TG: variants seen among roughly 807,000 people sequenced by gnomAD.
TG encodes the protein thyroid hormones.
TG carries 270 observed loss-of-function variants against 324.7 expected under a neutral mutation model. That is an observed-to-expected ratio of 0.83 (90% CI 0.75 to 0.92). The LOEUF (loss-of-function observed/expected upper bound fraction) is 0.92. Among genes scored for constraint, TG ranks in the 40% least tolerant of loss-of-function variants. TG has a pLI of 0.00. For synonymous variants in TG, 1,401 were observed against 1,327.0 expected (o/e 1.06, Z -1.21); for missense variants, 3,591 against 3,456.4 (o/e 1.04, Z -0.98).
chr8:133,029,722 T>G, intron 40 of TG, 99 bp from the exon 41 acceptor site: 1 of 1,438,328 alleles, frequency 7.0e-7, no homozygotes, highest in Admixed American at 1.8e-5. Context: ...CCAGAGCCCC[T>G]GGCGGGGCCG....
At chr8:133,099,545 G>A (rs1371937580) in intron 43 of TG, among the ~76,000 whole-genome samples, 1 of 152,126 alleles carries the variant, frequency 6.6e-6, no homozygotes, top group Non-Finnish European at 1.5e-5. Flanking sequence ...TTAGCCAATG[G>A]CCCACTTGAC....
chr8:133,066,448 C>T (rs955192689), intron 41 of TG, among the ~76,000 whole-genome samples: 2 of 151,906 alleles, frequency 1.3e-5, no homozygotes, highest in African/African-American at 4.8e-5. Context: ...CAAATGCATA[C>T]ACGTGGAAAA....
At chr8:133,032,746 T>C (rs1003614036) in intron 41 of TG, among the ~76,000 whole-genome samples, 2 of 152,224 alleles carry the variant, frequency 1.3e-5, no homozygotes, top group Admixed American at 6.5e-5. Flanking sequence ...TCTGCAAATC[T>C]TGGGGCCAGA....
At chr8:132,934,695 C>T (rs944101606) in intron 24 of TG, among the ~76,000 whole-genome samples, 5 of 152,162 alleles carry the variant, frequency 3.3e-5, no homozygotes, top group Non-Finnish European at 5.9e-5. Flanking sequence ...CTTCAAACAG[C>T]CTTGCTGTAG....
At position 132,886,674 on chromosome 8, in the gene TG, T is replaced by C. The variant is rs1325660804; in HGVS notation, c.1302T>C (p.Ser434=). ...TGGAGGGACAGAGCCAACAGTTTTC[T>C]GTCTCAGAAAATCTTCTCAAAGAAG... ...PMVEGQSQQF[S]VSENLLKEAI... The change falls in exon 9 of 48, where the codon TCT becomes TCC. Residue 434 remains serine, a synonymous_variant. Coordinates refer to ENST00000220616, the MANE Select transcript of TG (RefSeq NM_003235.5). The C allele has an allele frequency of 6.2e-7, 1 of 1,614,224 alleles. No homozygotes were observed. Among genetic ancestry groups the C allele is most frequent in the Non-Finnish European group, 8.5e-7 (1 of 1,180,046 alleles).
chr8:132,947,053 T>A (rs1208658607), intron 26 of TG, among the ~76,000 whole-genome samples: 1 of 152,200 alleles, frequency 6.6e-6, no homozygotes, highest in Non-Finnish European at 1.5e-5. Flanking sequence ...CCCTTGCTGG[T>A]GCTGCCCTCA....
intron 39 of TG, among the ~76,000 whole-genome samples, 163 bp from the exon 40 acceptor site, chr8:133,021,828 C>A (rs1368945599): frequency 1.3e-5 from 2 of 152,148 alleles, no homozygotes; most frequent in Admixed American, 1.3e-4. Flanking sequence ...GGGGCTAGGA[C>A]TTCAATGTAT....
rs1022148195 is a variant in TG at position 132,887,055 on chromosome 8, C to T, written c.1683C>T (p.Asn561=). The T allele has an allele frequency of 1.2e-5, 20 of 1,614,172 alleles. No homozygotes were observed. The highest frequency in any genetic ancestry group is 1.6e-4 in the Middle Eastern group (1 of 6,062). Residue 561 remains asparagine (N), a synonymous_variant, in exon 9 of 48, where the codon AAC becomes AAT. Transcript: ENST00000220616. The stretch of plus-strand genomic sequence containing the variant: ...GCTTTGAAATTAACCTACAAGAGAA[C>T]CAAAATGCCCTCAAATTCCTTGCTT... The part of the protein sequence containing the change: ...SFGFEINLQE[N]QNALKFLASL...
At chr8:133,044,734 C>T (rs1423404195) in intron 41 of TG, among the ~76,000 whole-genome samples, 1 of 152,108 alleles carries the variant, frequency 6.6e-6, no homozygotes, top group Non-Finnish European at 1.5e-5. Context: ...TTAGGCACAC[C>T]CTAACTTGTT....
At chr8:132,960,253 T>C (rs187159902) in intron 27 of TG, among the ~76,000 whole-genome samples, 1 of 152,140 alleles carries the variant, frequency 6.6e-6, no homozygotes, top group African/African-American at 2.4e-5. Flanking sequence ...CTAATAATAA[T>C]TAAAAACAAA....
intron 45 of TG, among the ~76,000 whole-genome samples, chr8:133,128,209 G>A (rs576426967): frequency 1.3e-5 from 2 of 152,202 alleles, no homozygotes; most frequent in Admixed American, 1.3e-4. Context: ...CATCCATCCA[G>A]AGGACAGTGC....
chr8:133,072,041 A>G (rs748993520), intron 41 of TG, among the ~76,000 whole-genome samples: 5 of 152,120 alleles, frequency 3.3e-5, no homozygotes, highest in Non-Finnish European at 5.9e-5. Context: ...TGAGGTAGCT[A>G]TTTTGCCCCT....
At chr8:133,074,679 G>C (rs561385880) in intron 41 of TG, among the ~76,000 whole-genome samples, 1 of 152,298 alleles carries the variant, frequency 6.6e-6, no homozygotes, top group African/African-American at 2.4e-5. Flanking sequence ...CACCCACTGA[G>C]CCACTGCAGT....
At chr8:133,071,250 G>A (rs139044879) in intron 41 of TG, among the ~76,000 whole-genome samples, 141 of 152,316 alleles carry the variant, frequency 9.3e-4, no homozygotes, top group African/African-American at 3.3e-3. Flanking sequence ...GCATCATTAC[G>A]CTGAGGCCTT....
At chr8:132,928,999 C>T (rs1822292125) in intron 22 of TG, 77 bp from the exon 23 acceptor site, 1 of 1,214,878 alleles carries the variant, frequency 8.2e-7, no homozygotes, top group Non-Finnish European at 1.2e-6. Flanking sequence ...ACTGCTTGAC[C>T]TAACAGTCTT....
Position 132,929,070 on chromosome 8 carries a change from T to G in TG, c.4700-6T>G. ...GTCAGATTTACTAAATCTGCTTTAT[T>G]TTTAGTGATGCAGAAGTTTGAGAAG... On this transcript the variant is annotated splice_region_variant and splice_polypyrimidine_tract_variant and intron_variant, in intron 22 of 47. Coordinates refer to ENST00000220616, the MANE Select transcript of TG (RefSeq NM_003235.5). 1 of 1,612,784 alleles carries G rather than the reference T, an allele frequency of 6.2e-7. No homozygotes were observed. Among genetic ancestry groups the G allele is most frequent in the East Asian group, 2.2e-5 (1 of 44,872 alleles).
chr8:133,033,224 T>A (rs1017269254), intron 41 of TG, among the ~76,000 whole-genome samples: 3 of 152,238 alleles, frequency 2.0e-5, no homozygotes, highest in African/African-American at 7.2e-5. Flanking sequence ...TCAGGACTTA[T>A]GGTTTGCAAA....
intron 43 of TG, among the ~76,000 whole-genome samples, chr8:133,099,398 C>G (rs933019345): frequency 6.6e-6 from 1 of 152,186 alleles, no homozygotes; most frequent in Non-Finnish European, 1.5e-5. Flanking sequence ...AGGAGGACTA[C>G]CTGCAGCAGG....
rs546668122 is a variant in TG, at chr8:132,974,477, C to G, written c.6199+1736C>G. 2.0e-5 allele frequency among the ~76,000 whole-genome samples: 3 copies of G among 152,118 alleles called. No individual in the cohort carries two copies. In the South Asian group the frequency reaches 6.2e-4, roughly 32 times the overall value. ...CCATTTTAAGGTGAGAAGACTGCAG[C>G]GTAGAAAGTTGAATTGCTTGACCCA... On this transcript the variant is annotated intron_variant, in intron 34 of 47. Coordinates refer to ENST00000220616, the MANE Select transcript of TG (RefSeq NM_003235.5).
Sources: allele counts gnomAD v4.1 joint callset (sites outside exome capture counted in the v4.1 genomes callset), GRCh38; gene constraint gnomAD v4.1.1; transcripts MANE v1.5; gene names NCBI Gene and HGNC (gene_info 2026-07-23, HGNC 2026-07-21).